Variants in RIMS2 observed in about 807,000 individuals in gnomAD.
RIMS2 encodes the protein regulating synaptic membrane exocytosis 2, also known as regulating synaptic membrane exocytosis protein 2.
A neutral mutation model predicts 174.4 loss-of-function variants in RIMS2; 59 were observed. That is an observed-to-expected ratio of 0.34 (90% CI 0.27 to 0.42). The LOEUF is 0.42. RIMS2 is among the 10% of genes least tolerant of loss of function. RIMS2 has a pLI of 1.00. For missense variants in RIMS2, 1,620 were observed against 1,666.3 expected (o/e 0.97, Z 0.48); for synonymous variants, 606 against 572.5 (o/e 1.06, Z -0.84).
At chr8:104,251,353 A>G (rs557601047) in intron 23 of RIMS2, among the ~76,000 whole-genome samples, 190 bp downstream of exon 29, 1 of 152,330 alleles carries the variant, frequency 6.6e-6, no homozygotes. Flanking sequence ...ATTTACAGAC[A>G]TGCAAATCCC....
intron 10 of RIMS2, among the ~76,000 whole-genome samples, chr8:103,926,182 T>C (rs1173256853): frequency 6.6e-6 from 1 of 151,574 alleles, no homozygotes; most frequent in Non-Finnish European, 1.5e-5. Context: ...GTAACGTTAA[T>C]ATTTTTGGTC....
chr8:104,058,081 C>A (rs1340959598), intron 19 of RIMS2, among the ~76,000 whole-genome samples: 1 of 149,906 alleles, frequency 6.7e-6, no homozygotes. Flanking sequence ...TGGGTATATA[C>A]CCAGTAATGG....
At chr8:103,590,764 A>G (rs979719867) in intron 1 of RIMS2, among the ~76,000 whole-genome samples, 10 of 151,216 alleles carry the variant, frequency 6.6e-5, no homozygotes, top group Non-Finnish European at 1.2e-4. Flanking sequence ...TGTGTAAGGC[A>G]TATTTCACTG....
At chr8:104,024,651 G>T (rs2096206783) in intron 19 of RIMS2, among the ~76,000 whole-genome samples, 1 of 152,102 alleles carries the variant, frequency 6.6e-6, no homozygotes, top group African/African-American at 2.4e-5. Flanking sequence ...AGGATGCAAA[G>T]ATGAACAAGA....
chr8:104,186,422 A>G (rs1449275176), intron 19 of RIMS2, among the ~76,000 whole-genome samples: 2 of 151,808 alleles, frequency 1.3e-5, no homozygotes, highest in African/African-American at 4.8e-5. Flanking sequence ...AAGCTTCAAT[A>G]TAAATTTATT....
At chr8:103,623,594 C>T (rs1191915008) in intron 1 of RIMS2, among the ~76,000 whole-genome samples, 1 of 147,548 alleles carries the variant, frequency 6.8e-6, no homozygotes, top group Non-Finnish European at 1.5e-5. Context: ...ACGCCATTCT[C>T]CTGCCTCAGC....
At chr8:104,203,518 T>TTTTG (rs2099065245) in intron 19 of RIMS2, among the ~76,000 whole-genome samples, 1 of 110,560 alleles carries the variant, frequency 9.0e-6, no homozygotes, top group African/African-American at 3.5e-5. Flanking sequence ...TTTTTTTTTT[T>TTTTG]TGTGAGATGG....
At chr8:103,601,587 A>G (rs771275521) in intron 1 of RIMS2, among the ~76,000 whole-genome samples, 1 of 152,008 alleles carries the variant, frequency 6.6e-6, no homozygotes, top group Non-Finnish European at 1.5e-5. Context: ...TCTTGTAGGC[A>G]ACAGATCATG....
chr8:103,597,485 T>C (rs2094522501), intron 1 of RIMS2, among the ~76,000 whole-genome samples: 1 of 152,214 alleles, frequency 6.6e-6, no homozygotes, highest in Non-Finnish European at 1.5e-5. Flanking sequence ...GCTGTGTTTA[T>C]TTTCCAGTCT....
At chr8:103,617,160 G>C (rs535472727) in intron 1 of RIMS2, among the ~76,000 whole-genome samples, 1 of 152,112 alleles carries the variant, frequency 6.6e-6, no homozygotes, top group Admixed American at 6.5e-5. Context: ...GTATGGATGT[G>C]AAAAGAGGCA....
chr8:103,823,473 CTAAT>C (rs1477777771), intron 3 of RIMS2, among the ~76,000 whole-genome samples: 1 of 151,824 alleles, frequency 6.6e-6, no homozygotes, highest in Admixed American at 6.6e-5. Flanking sequence ...CAGGGCTACT[CTAAT>C]TATAAAAGTG....
intron 14 of RIMS2, among the ~76,000 whole-genome samples, chr8:103,949,710 AT>A (rs2084850716): frequency 6.6e-6 from 1 of 152,184 alleles, no homozygotes; most frequent in Non-Finnish European, 1.5e-5. Flanking sequence ...AATCAGTGAC[AT>A]GTTTTCACCT....
intron 19 of RIMS2, among the ~76,000 whole-genome samples, chr8:104,212,079 A>C (rs1199156489): frequency 1.7e-4 from 26 of 152,188 alleles, no homozygotes; most frequent in Admixed American, 1.7e-3. Flanking sequence ...AAAATAAGAA[A>C]AGAAGTAAAT....
chr8:104,100,847 AT>A (rs2097861013), intron 19 of RIMS2, among the ~76,000 whole-genome samples: 1 of 140,960 alleles, frequency 7.1e-6, no homozygotes, highest in African/African-American at 2.6e-5. Flanking sequence ...ATATATATGT[AT>A]TATATATGTA....
intron 19 of RIMS2, among the ~76,000 whole-genome samples, chr8:104,183,066 C>A (rs2098949100): frequency 6.6e-6 from 1 of 151,694 alleles, no homozygotes; most frequent in Non-Finnish European, 1.5e-5. Context: ...AAAACTTTTA[C>A]CCATATTAAA....
chr8:103,855,901 A>T (rs777623590), intron 3 of RIMS2, among the ~76,000 whole-genome samples: 9 of 151,866 alleles, frequency 5.9e-5, no homozygotes, highest in Non-Finnish European at 1.0e-4. Flanking sequence ...TTAAATCCAG[A>T]ATTTGCTTGT....
chr8:103,737,434 G>A (rs34738173), intron 2 of RIMS2, among the ~76,000 whole-genome samples: 12 of 151,566 alleles, frequency 7.9e-5, no homozygotes, highest in Non-Finnish European at 1.2e-4. Flanking sequence ...TGGTCCTCCC[G>A]CCTCAGCCTC....
chr8:103,838,818 C>T (rs1298574750), intron 3 of RIMS2, among the ~76,000 whole-genome samples: 1 of 152,198 alleles, frequency 6.6e-6, no homozygotes, highest in Non-Finnish European at 1.5e-5. Flanking sequence ...GTAATCCCAG[C>T]ACTTTGGGAG....
intron 19 of RIMS2, among the ~76,000 whole-genome samples, chr8:104,174,911 A>G (rs1276320818): frequency 6.6e-6 from 1 of 152,192 alleles, no homozygotes; most frequent in African/African-American, 2.4e-5. Flanking sequence ...TAATTGGCTA[A>G]TACATTTCCA....
Sources: allele counts gnomAD v4.1 joint callset (sites outside exome capture counted in the v4.1 genomes callset), GRCh38; gene constraint gnomAD v4.1.1; transcripts MANE v1.5; gene names NCBI Gene and HGNC (gene_info 2026-07-23, HGNC 2026-07-21).